PALM2AKAP2: variants seen among roughly 807,000 people sequenced by gnomAD.
PALM2AKAP2 encodes PALM2 and AKAP2 fusion.
A neutral mutation model predicts 71.5 loss-of-function variants in PALM2AKAP2; 37 were observed. The observed-to-expected ratio is 0.52, with a 90% CI of 0.40 to 0.68. PALM2AKAP2 has a LOEUF of 0.68. PALM2AKAP2 is among the 30% of genes least tolerant of loss of function. The pLI, the probability that PALM2AKAP2 is intolerant of heterozygous loss-of-function variation, is 0.00. For synonymous variants in PALM2AKAP2, 468 were observed against 478.8 expected (o/e 0.98, Z 0.29); for missense variants, 1,224 against 1,191.8 (o/e 1.03, Z -0.40).
At chr9:109,958,988 A>AGAATC (rs368250672) in intron 6 of PALM2AKAP2, among the ~76,000 whole-genome samples, 98 of 152,332 alleles carry the variant, frequency 6.4e-4, no homozygotes, top group African/African-American at 2.3e-3. Context: ...ATATATGAAC[A>AGAATC]GAATCGTCTT....
At chr9:109,921,736 C>T (rs1564211695) in intron 3 of PALM2AKAP2, among the ~76,000 whole-genome samples, 1 of 152,094 alleles carries the variant, frequency 6.6e-6, no homozygotes. Context: ...CTCTATTTGA[C>T]TAATGCATGA....
chr9:110,143,411 CAAAAAA>C (rs10638600), intron 2 of PALM2AKAP2, among the ~76,000 whole-genome samples: 1 of 69,090 alleles, frequency 1.4e-5, no homozygotes. Context: ...AGCAAAGTGC[CAAAAAA>C]AAAAAAAAAA....
chr9:109,709,895 T>C (rs971402817), intron 1 of PALM2AKAP2, among the ~76,000 whole-genome samples: 2 of 152,214 alleles, frequency 1.3e-5, no homozygotes, highest in African/African-American at 4.8e-5. Flanking sequence ...TACCTGTGAA[T>C]ATGATCTTAT....
intron 1 of PALM2AKAP2, among the ~76,000 whole-genome samples, chr9:109,653,603 G>A (rs1308566594): frequency 6.6e-6 from 1 of 152,152 alleles, no homozygotes; most frequent in African/African-American, 2.4e-5. Context: ...ATGTGCATAT[G>A]AATCATTTGG....
At chr9:110,025,399 C>CTT (rs34276135) in intron 7 of PALM2AKAP2, 1,062 of 669,626 alleles carry the variant, frequency 1.6e-3, no homozygotes, top group Admixed American at 2.4e-3. Flanking sequence ...GCCCGAAAGG[C>CTT]TTTTTTTTTT....
At position 110,129,131 on chromosome 9, in the gene PALM2AKAP2, C is replaced by T. The variant is rs139998472; in HGVS notation, c.157-6996C>T. Among the ~76,000 whole-genome samples, 432 of 152,286 alleles carry T rather than the reference C, an allele frequency of 2.8e-3. 2 individuals are homozygous for T. Among genetic ancestry groups the T allele is most frequent in the African/African-American group, 9.8e-3 (409 of 41,552 alleles). ...AGCCCAGAGGGTGAAATCCCCAGAC[C>T]GTGCAAGAAGTCACATTTCTAGCTG... On this transcript the variant is annotated intron_variant, in intron 1 of 3. Transcript: ENST00000374525.
chr9:109,903,408 T>C (rs893192945), intron 3 of PALM2AKAP2, among the ~76,000 whole-genome samples: 4 of 151,876 alleles, frequency 2.6e-5, no homozygotes, highest in Admixed American at 2.6e-4. Flanking sequence ...CCCTCTAAAG[T>C]GATGATCTCA....
chr9:110,048,651 G>T (rs1314315411), upstream of PALM2AKAP2: 14 of 1,473,610 alleles, frequency 9.5e-6, no homozygotes, highest in African/African-American at 1.2e-4. Flanking sequence ...GAGCAGGCGG[G>T]CGGGGCTCCC....
At chr9:109,733,450 G>A (rs893929022) in intron 1 of PALM2AKAP2, among the ~76,000 whole-genome samples, 1 of 152,140 alleles carries the variant, frequency 6.6e-6, no homozygotes, top group African/African-American at 2.4e-5. Context: ...TAATGGCTAG[G>A]CAGAGTGAGA....
At chr9:110,038,842 G>C (rs1222199151) in intron 7 of PALM2AKAP2, among the ~76,000 whole-genome samples, 1 of 144,822 alleles carries the variant, frequency 6.9e-6, no homozygotes, top group Non-Finnish European at 1.5e-5. Flanking sequence ...TTGGGAGGCT[G>C]AGGCAGGAGA....
chr9:109,731,456 C>G (rs1268599741), intron 1 of PALM2AKAP2, among the ~76,000 whole-genome samples: 1 of 152,156 alleles, frequency 6.6e-6, no homozygotes, highest in Non-Finnish European at 1.5e-5. Context: ...CTCCAATACC[C>G]TAACACAATC....
At chr9:110,115,403 C>T (rs918028553) in intron 1 of PALM2AKAP2, among the ~76,000 whole-genome samples, 3 of 152,182 alleles carry the variant, frequency 2.0e-5, no homozygotes, top group African/African-American at 7.2e-5. Flanking sequence ...GAGTGGCATC[C>T]GTTTGCTGCA....
At chr9:109,970,409 G>A (rs1381180588) in intron 6 of PALM2AKAP2, among the ~76,000 whole-genome samples, 1 of 152,180 alleles carries the variant, frequency 6.6e-6, no homozygotes, top group Non-Finnish European at 1.5e-5. Context: ...CTGCCTTAGA[G>A]CACTCAGGAG....
chr9:110,027,973 A>C (rs1407096827), intron 7 of PALM2AKAP2, among the ~76,000 whole-genome samples: 1 of 152,212 alleles, frequency 6.6e-6, no homozygotes, highest in Non-Finnish European at 1.5e-5. Flanking sequence ...TATATACATA[A>C]AGATCGCTCT....
rs80228281 is a variant in PALM2AKAP2, at chr9:109,799,216, A to T, written c.45+18683A>T. On this transcript the variant is annotated intron_variant, in intron 1 of 9. Coordinates refer to the PALM2AKAP2 transcript ENST00000302798. ...AGTGTCAGGAAGTGATGTGAAGCTC[A>T]GCGTGGCTCGTGGATGTTGAGAAGT... Among the ~76,000 whole-genome samples, 645 of 152,350 alleles carry T rather than the reference A, an allele frequency of 4.2e-3. 2 individuals are homozygous for T. Among genetic ancestry groups the T allele is most frequent in the Non-Finnish European group, 7.5e-3 (513 of 68,034 alleles).
chr9:110,067,314 C>G (rs1319308853), intron 1 of PALM2AKAP2, among the ~76,000 whole-genome samples: 1 of 152,120 alleles, frequency 6.6e-6, no homozygotes, highest in Non-Finnish European at 1.5e-5. Flanking sequence ...TGTAAAGTTA[C>G]AAATAAAGTG....
At chr9:109,961,404 C>T (rs1831848513) in intron 6 of PALM2AKAP2, among the ~76,000 whole-genome samples, 1 of 152,186 alleles carries the variant, frequency 6.6e-6, no homozygotes, top group Non-Finnish European at 1.5e-5. Context: ...GTAGATATTT[C>T]ATGATGTTGT....
intron 3 of PALM2AKAP2, among the ~76,000 whole-genome samples, chr9:110,163,040 A>G (rs1452792204): frequency 6.6e-6 from 1 of 152,026 alleles, no homozygotes; most frequent in African/African-American, 2.4e-5. Context: ...TTTTACACAG[A>G]TTTCACAAAT....
intron 1 of PALM2AKAP2, among the ~76,000 whole-genome samples, chr9:109,753,776 C>T (rs1212822786): frequency 1.3e-5 from 2 of 152,112 alleles, no homozygotes; most frequent in African/African-American, 4.8e-5. Flanking sequence ...GACTAAAAGC[C>T]ATCCAAGCAT....
Sources: gnomAD v4.1 joint callset for allele counts (sites outside exome capture counted in the v4.1 genomes callset) on GRCh38, gnomAD v4.1.1 for gene constraint, MANE v1.5 for transcripts, NCBI Gene and HGNC (gene_info 2026-07-23, HGNC 2026-07-21) for gene names.